LRBA: variants seen among roughly 807,000 people sequenced by gnomAD.
LRBA encodes the protein lipopolysaccharide-responsive and beige-like anchor protein.
LRBA carries 176 observed loss-of-function variants against 330.0 expected under a neutral mutation model. The observed-to-expected ratio is 0.53, with a 90% CI of 0.47 to 0.60. LRBA has a LOEUF of 0.60. LRBA is among the 20% of genes least tolerant of loss of function. The probability of loss-of-function intolerance (pLI) is 0.00; values close to 1 mark genes in which losing one functional copy is unlikely to be tolerated. For synonymous variants in LRBA, 1,230 were observed against 1,193.0 expected, an observed-to-expected ratio of 1.03 and a Z score of -0.64; for missense variants, 3,259 against 3,444.8, an observed-to-expected ratio of 0.95 and a Z score of 1.35.
intron 41 of LRBA, among the ~76,000 whole-genome samples, chr4:150,488,757 CA>C (rs35641885): frequency 4.1e-5 from 6 of 144,682 alleles, no homozygotes; most frequent in African/African-American, 7.6e-5. Flanking sequence ...TATTTAAAGC[CA>C]AAAAAAAAAT....
At chr4:150,835,810 T>C (rs1349403265) in intron 28 of LRBA, among the ~76,000 whole-genome samples, 4 of 152,170 alleles carry the variant, frequency 2.6e-5, no homozygotes, top group Non-Finnish European at 4.4e-5. Flanking sequence ...TCCTGACGGA[T>C]TGCCCTGGCC....
At chr4:150,639,813 G>A (rs1014113023) in intron 37 of LRBA, among the ~76,000 whole-genome samples, 881 of 7,242 alleles carry the variant, frequency 0.12, 163 homozygotes, top group African/African-American at 0.23. Flanking sequence ...ATATGTGTGT[G>A]TGTGTGTATA....
intron 13 of LRBA, among the ~76,000 whole-genome samples, chr4:150,900,999 C>T (rs1433845305): frequency 6.6e-6 from 1 of 152,088 alleles, no homozygotes; most frequent in Non-Finnish European, 1.5e-5. Context: ...CTGCACATTT[C>T]ATCTTAACAA....
chr4:150,484,201 T>C (rs1473705210), intron 42 of LRBA, among the ~76,000 whole-genome samples: 1 of 152,042 alleles, frequency 6.6e-6, no homozygotes, highest in Non-Finnish European at 1.5e-5. Flanking sequence ...ATAATGTTTT[T>C]GGCAATTTAA....
chr4:150,841,569 T>G (rs1434666455), intron 28 of LRBA, among the ~76,000 whole-genome samples: 1 of 152,192 alleles, frequency 6.6e-6, no homozygotes, highest in East Asian at 1.9e-4. Context: ...ATTAAAAACC[T>G]TAGCTCTTTA....
At chr4:150,297,776 C>T (rs1729152500) in intron 53 of LRBA, among the ~76,000 whole-genome samples, 1 of 152,188 alleles carries the variant, frequency 6.6e-6, no homozygotes, top group South Asian at 2.1e-4. Context: ...AAGTTTATTT[C>T]ATCACCAACT....
intron 41 of LRBA, among the ~76,000 whole-genome samples, chr4:150,489,220 A>T (rs1297348666): frequency 1.7e-5 from 1 of 57,934 alleles, no homozygotes; most frequent in Non-Finnish European, 2.8e-5. Context: ...ATATACGAAT[A>T]TATAATATAT....
intron 37 of LRBA, among the ~76,000 whole-genome samples, chr4:150,605,807 A>G (rs547786427): frequency 2.6e-5 from 4 of 152,256 alleles, no homozygotes; most frequent in African/African-American, 9.6e-5. Context: ...AAAATTAACT[A>G]AAACCTCTGT....
At chr4:150,641,783 T>G (rs189355443) in intron 37 of LRBA, among the ~76,000 whole-genome samples, 1 of 152,144 alleles carries the variant, frequency 6.6e-6, no homozygotes, top group Non-Finnish European at 1.5e-5. Flanking sequence ...TAGTGTCAAT[T>G]TAAGTAAACT....
intron 37 of LRBA, among the ~76,000 whole-genome samples, chr4:150,629,302 G>A (rs1335896560): frequency 6.6e-6 from 1 of 152,158 alleles, no homozygotes; most frequent in Non-Finnish European, 1.5e-5. Flanking sequence ...AAAAATGTAA[G>A]TATAAACTAC....
rs190550567 is a variant in LRBA at position 150,680,629 on chromosome 4, C to T, written c.5921+2922G>A. Among the ~76,000 whole-genome samples the T allele has an allele frequency of 3.6e-4, 55 of 152,242 alleles. 1 individual carries two copies. Among genetic ancestry groups the T allele is most frequent in the Admixed American group, 3.1e-3 (48 of 15,294 alleles). On this transcript the variant is annotated intron_variant, in intron 37 of 56. Transcript: ENST00000651943. Reference sequence around the variant, plus strand: ...AATCATCATTGTGTTATCCATAAAGCAGCAGATTTCATTTGGTCTCTTTAG... The same window carrying T: ...AATCATCATTGTGTTATCCATAAAGTAGCAGATTTCATTTGGTCTCTTTAG...
intron 40 of LRBA, among the ~76,000 whole-genome samples, chr4:150,535,422 G>A (rs574792802): frequency 1.2e-4 from 19 of 152,302 alleles, no homozygotes; most frequent in African/African-American, 4.3e-4. Context: ...ACAGGCACAA[G>A]CCATGGCAGT....
chr4:150,905,714 A>G, intron 13 of LRBA, 124 bp downstream of exon 13: 1 of 790,294 alleles, frequency 1.3e-6, no homozygotes, highest in Non-Finnish European at 1.9e-6. Context: ...AGTCAAAAAA[A>G]GCAATCCACT....
chr4:150,848,990 C>T lies in LRBA; in HGVS notation c.4167G>A (p.Leu1389=), dbSNP rs1750244544. Residue 1389 remains leucine (L), a synonymous_variant, in exon 26 of 57, where the codon CTG becomes CTA. Coordinates refer to ENST00000651943, the MANE Select transcript of LRBA (RefSeq NM_001364905.1). ...GGCCTTGAGTAGGTTCAATATTTTC[C>T]AGTTCATGCTGTAAAGAATAAAGTT... ...LSAATSATHE[L]ENIEPTQGLS... 4.4e-6 allele frequency: 7 copies of T among 1,587,794 alleles called. No homozygotes were observed. The highest frequency in any genetic ancestry group is 1.2e-5 in the South Asian group (1 of 84,966).
intron 40 of LRBA, among the ~76,000 whole-genome samples, chr4:150,585,407 A>G (rs1460425595): frequency 1.3e-5 from 2 of 152,262 alleles, no homozygotes; most frequent in African/African-American, 4.8e-5. Flanking sequence ...CCATTTTTAT[A>G]ACCAAAGAAA....
intron 22 of LRBA, among the ~76,000 whole-genome samples, chr4:150,853,408 T>C (rs1750852133): frequency 6.6e-6 from 1 of 152,154 alleles, no homozygotes; most frequent in African/African-American, 2.4e-5. Flanking sequence ...TCTACAGATA[T>C]CTATTAAGCT....
intron 16 of LRBA, among the ~76,000 whole-genome samples, chr4:150,895,635 A>G (rs1183260451): frequency 6.6e-6 from 1 of 152,198 alleles, no homozygotes; most frequent in Admixed American, 6.5e-5. Context: ...ATGGCTGCAT[A>G]GTATTCCATG....
intron 35 of LRBA, among the ~76,000 whole-genome samples, chr4:150,742,646 C>G (rs1163695632): frequency 1.3e-5 from 2 of 151,820 alleles, no homozygotes; most frequent in East Asian, 3.9e-4. Flanking sequence ...GCCTACAATC[C>G]CAGCACGTAG....
chr4:150,993,144 T>A (rs953490946), intron 2 of LRBA, among the ~76,000 whole-genome samples: 2 of 151,964 alleles, frequency 1.3e-5, no homozygotes, highest in Non-Finnish European at 2.9e-5. Flanking sequence ...TTAAAGAAAT[T>A]AAAAATAAGT....
Sources: allele counts gnomAD v4.1 joint callset (sites outside exome capture counted in the v4.1 genomes callset), GRCh38; gene constraint gnomAD v4.1.1; transcripts MANE v1.5; gene names NCBI Gene and HGNC (gene_info 2026-07-23, HGNC 2026-07-21).